Variants in CAMK1D observed in about 807,000 individuals in gnomAD.
The protein encoded by CAMK1D is calcium/calmodulin-dependent protein kinase type 1D.
A neutral mutation model predicts 47.7 loss-of-function variants in CAMK1D; 9 were observed. The ratio of observed to expected loss-of-function variants is 0.19; its 90% CI spans 0.11 to 0.33. The LOEUF (loss-of-function observed/expected upper bound fraction) is 0.33, where lower values mean the gene tolerates loss of function less well. Ranked by LOEUF, CAMK1D falls within the 10% of genes least tolerant of loss-of-function variation. The pLI is 1.00. For synonymous variants in CAMK1D, 184 were observed against 184.9 expected (o/e 0.99, Z 0.04); for missense variants, 291 against 488.7 (o/e 0.60, Z 3.81).
intron 1 of CAMK1D, among the ~76,000 whole-genome samples, chr10:12,445,217 C>T (rs1406169728): frequency 1.3e-5 from 2 of 152,184 alleles, no homozygotes; most frequent in East Asian, 3.8e-4. Flanking sequence ...GTGTCCGATC[C>T]TCCCTTCCCA....
At chr10:12,377,273 G>C (rs185193921) in intron 1 of CAMK1D, among the ~76,000 whole-genome samples, 1 of 152,282 alleles carries the variant, frequency 6.6e-6, no homozygotes, top group East Asian at 1.9e-4. Context: ...TAAAAAAAGT[G>C]TATGATCTTT....
At chr10:12,748,794 A>C (rs1457286607) in intron 3 of CAMK1D, among the ~76,000 whole-genome samples, 1 of 152,152 alleles carries the variant, frequency 6.6e-6, no homozygotes, top group African/African-American at 2.4e-5. Context: ...AGTCCCAGCT[A>C]TTCGAGAGCC....
chr10:12,822,241 T>A (rs984987303), intron 8 of CAMK1D, among the ~76,000 whole-genome samples: 1 of 152,138 alleles, frequency 6.6e-6, no homozygotes, highest in Non-Finnish European at 1.5e-5. Flanking sequence ...CCGTTGTCAT[T>A]GCGGCTTGTA....
At position 12,395,065 on chromosome 10, in the gene CAMK1D, A is replaced by ATTTT. The variant is rs5783265; in HGVS notation, c.92+45173_92+45176dup. ...CTTATTTTATTTTTTTAAAATTTTAATTTTTTTTTTTTTTTTTTTTTGCAG... is the reference window on the plus strand; with the variant it reads ...CTTATTTTATTTTTTTAAAATTTTAATTTTTTTTTTTTTTTTTTTTTTTTTGCAG... On this transcript the variant is annotated intron_variant, in intron 1 of 10. Transcript: ENST00000619168. Among the ~76,000 whole-genome samples, 231 of 94,728 alleles carry ATTTT rather than the reference A, an allele frequency of 2.4e-3. 3 individuals are homozygous for ATTTT. Among genetic ancestry groups the ATTTT allele is most frequent in the African/African-American group, 9.2e-3 (214 of 23,378 alleles). The allele number at this position is 94,728 out of a possible 152,430, so 62.1% of individuals were successfully genotyped here.
At chr10:12,677,125 T>C (rs1363499212) in intron 3 of CAMK1D, among the ~76,000 whole-genome samples, 1 of 152,160 alleles carries the variant, frequency 6.6e-6, no homozygotes, top group African/African-American at 2.4e-5. Context: ...TCTGTTGTCT[T>C]GTGCAGTAAG....
chr10:12,703,594 C>T (rs944927737), intron 3 of CAMK1D, among the ~76,000 whole-genome samples: 6 of 152,220 alleles, frequency 3.9e-5, no homozygotes, highest in East Asian at 1.9e-4. Context: ...GTGGGCCGGG[C>T]GCGGTGGCTC....
intron 10 of CAMK1D, among the ~76,000 whole-genome samples, chr10:12,827,289 T>C (rs1588974952): frequency 8.7e-6 from 1 of 114,348 alleles, no homozygotes; most frequent in African/African-American, 3.2e-5. Context: ...TTCTTTTTCT[T>C]TCTTTCTTTC....
At chr10:12,814,385 A>G (rs1221087623) in intron 7 of CAMK1D, 78 bp downstream of exon 7, 10 of 892,138 alleles carry the variant, frequency 1.1e-5, no homozygotes, top group Non-Finnish European at 1.9e-5. Flanking sequence ...TGACAGGCCC[A>G]GGGGACCCTG....
intron 2 of CAMK1D, among the ~76,000 whole-genome samples, chr10:12,613,320 G>T (rs1838686461): frequency 6.6e-6 from 1 of 152,226 alleles, no homozygotes; most frequent in Non-Finnish European, 1.5e-5. Context: ...CAGCACGCTA[G>T]TGGTAATATC....
intron 1 of CAMK1D, among the ~76,000 whole-genome samples, chr10:12,464,052 A>T (rs902799024): frequency 6.6e-6 from 1 of 152,156 alleles, no homozygotes; most frequent in African/African-American, 2.4e-5. Flanking sequence ...TCTTTCCTTT[A>T]TAAATCACTC....
intron 2 of CAMK1D, among the ~76,000 whole-genome samples, chr10:12,568,117 C>G: frequency 6.8e-6 from 1 of 147,004 alleles, no homozygotes; most frequent in Admixed American, 6.7e-5. Context: ...TCCTGCCTTC[C>G]TGCCCTCCTT....
intron 2 of CAMK1D, among the ~76,000 whole-genome samples, chr10:12,578,105 T>G (rs1837548335): frequency 6.6e-6 from 1 of 152,128 alleles, no homozygotes; most frequent in South Asian, 2.1e-4. Context: ...GACAGGGTCT[T>G]GCACTATTGC....
intron 3 of CAMK1D, among the ~76,000 whole-genome samples, chr10:12,727,947 G>T (rs2130803892): frequency 6.6e-6 from 1 of 152,176 alleles, no homozygotes; most frequent in East Asian, 1.9e-4. Flanking sequence ...TGTATTTTTA[G>T]TAGAGACGGG....
intron 3 of CAMK1D, among the ~76,000 whole-genome samples, chr10:12,706,246 G>A (rs762638035): frequency 2.5e-4 from 38 of 152,176 alleles, no homozygotes; most frequent in Non-Finnish European, 5.0e-4. Context: ...TACTTGGAAT[G>A]GCTCGCAATT....
At chr10:12,689,319 A>G (rs997950064) in intron 3 of CAMK1D, among the ~76,000 whole-genome samples, 3 of 152,168 alleles carry the variant, frequency 2.0e-5, no homozygotes, top group Non-Finnish European at 4.4e-5. Flanking sequence ...TAAACAAACT[A>G]TACTCTTTAG....
intron 2 of CAMK1D, among the ~76,000 whole-genome samples, chr10:12,607,816 C>A (rs527890187): frequency 1.3e-5 from 2 of 152,172 alleles, no homozygotes; most frequent in African/African-American, 4.8e-5. Context: ...CAAAATTTAG[C>A]CAAGTGTGGT....
chr10:12,694,231 G>GCATAATA lies in CAMK1D; in HGVS notation c.299+27421_299+27422insCATAATA, dbSNP rs1833121682. Among the ~76,000 whole-genome samples, 18 of 2,490 alleles carry GCATAATA rather than the reference G, an allele frequency of 7.2e-3. 5 individuals are homozygous for GCATAATA. The highest frequency in any genetic ancestry group is 9.2e-3 in the Non-Finnish European group (8 of 874). 1.6% of individuals were successfully genotyped at this position (2,490 alleles called of 152,430 possible). ...ATGTATAATATAAAATATATATTAT[G>GCATAATA]TATAATATATAATATATATTATGTA... On this transcript the variant is annotated intron_variant, in intron 3 of 10. Coordinates refer to ENST00000619168, the MANE Select transcript of CAMK1D (RefSeq NM_153498.4).
At chr10:12,412,659 C>T (rs577176913) in intron 1 of CAMK1D, among the ~76,000 whole-genome samples, 58 of 137,116 alleles carry the variant, frequency 4.2e-4, no homozygotes, top group African/African-American at 1.4e-3. Context: ...CGTGTCACTG[C>T]ACTCCAGCCT....
intron 1 of CAMK1D, among the ~76,000 whole-genome samples, chr10:12,532,282 TC>T (rs1182745915): frequency 1.3e-5 from 2 of 150,748 alleles, no homozygotes; most frequent in African/African-American, 2.4e-5. Context: ...CTTTTTATTT[TC>T]TTTTTTTTTT....
Sources: allele counts gnomAD v4.1 joint callset (sites outside exome capture counted in the v4.1 genomes callset), GRCh38; gene constraint gnomAD v4.1.1; transcripts MANE v1.5; gene names NCBI Gene and HGNC (gene_info 2026-07-23, HGNC 2026-07-21).